Variants in RFX1 observed in about 807,000 individuals in gnomAD.
RFX1 encodes the protein MHC class II regulatory factor RFX1.
RFX1 carries 42 observed loss-of-function variants against 119.6 expected under a neutral mutation model. That is an observed-to-expected ratio of 0.35 (90% CI 0.27 to 0.45). The LOEUF (loss-of-function observed/expected upper bound fraction) is 0.45. Ranked by LOEUF, RFX1 falls within the 20% of genes least tolerant of loss-of-function variation. The pLI, the probability that RFX1 is intolerant of heterozygous loss-of-function variation, is 1.00. For missense variants in RFX1, 1,118 were observed against 1,368.1 expected, an observed-to-expected ratio of 0.82 and a Z score of 2.88; for synonymous variants, 628 against 618.5, an observed-to-expected ratio of 1.02 and a Z score of -0.23.
At position 13,970,661 on chromosome 19, in the gene RFX1, CAAAAAAAAAAAAAA is replaced by C. The variant is rs1167910642; in HGVS notation, c.1315-500_1315-487del. Among the ~76,000 whole-genome samples, 232 of 25,832 alleles carry C rather than the reference CAAAAAAAAAAAAAA, an allele frequency of 9.0e-3. 2 individuals are homozygous for C. Among genetic ancestry groups the C allele is most frequent in the African/African-American group, 0.023 (194 of 8,556 alleles). 16.9% of individuals were successfully genotyped at this position (25,832 alleles called of 152,430 possible). On this transcript the variant is annotated intron_variant, in intron 9 of 20. Coordinates refer to ENST00000254325, the MANE Select transcript of RFX1 (RefSeq NM_002918.5). ...GCCTGGATACAGTGAGACCTTGTCT[CAAAAAAAAAAAAAA>C]AAAAAAAAAAAAAAAAAAAAAATTA... is the stretch of plus-strand genomic sequence containing the variant.
At chr19:13,984,021 T>C (rs1974519544) in intron 2 of RFX1, among the ~76,000 whole-genome samples, 1 of 151,990 alleles carries the variant, frequency 6.6e-6, no homozygotes, top group African/African-American at 2.4e-5. Flanking sequence ...TGACCCTGGC[T>C]TCCCGGGAGT....
chr19:13,978,006 G>A lies in RFX1; in HGVS notation c.915C>T (p.Tyr305=). 1.2e-6 allele frequency: 2 copies of A among 1,613,128 alleles called. No homozygotes were observed. The highest frequency in any genetic ancestry group is 1.7e-6 in the Non-Finnish European group (2 of 1,179,418). ...VQYVEGGDAS[Y]TASAIRSSTY... ...CCTTCACTTACATGGCACTGGCCGTGTAGCTGGCATCGCCGCCCTCCACAT... is the reference window on the plus strand; with the variant it reads ...CCTTCACTTACATGGCACTGGCCGTATAGCTGGCATCGCCGCCCTCCACAT... The change falls in exon 8 of 21, where the codon TAC becomes TAT. Residue 305 remains tyrosine, a synonymous_variant. Transcript: ENST00000254325.
At chr19:13,994,012 T>C (rs1974903077) in intron 1 of RFX1, 117 bp from the exon 2 acceptor site, 3 of 657,330 alleles carry the variant, frequency 4.6e-6, no homozygotes, top group Non-Finnish European at 7.8e-6. Context: ...CCTGGAGATG[T>C]GCTTGGGTTC....
intron 12 of RFX1, among the ~76,000 whole-genome samples, chr19:13,967,627 C>T (rs1973946767): frequency 6.6e-6 from 1 of 151,994 alleles, no homozygotes; most frequent in Non-Finnish European, 1.5e-5. Flanking sequence ...CAGGCACCCG[C>T]CACCACACCC....
rs911570456 is a variant in RFX1 at position 13,990,493 on chromosome 19, C to T, written c.319+3032G>A. Reference sequence around the variant, plus strand: ...GCCAGGAGTTCAAGACCAGCCTGGGCAACATAGTGAGACTCTGTCTCTACA... The same window carrying T: ...GCCAGGAGTTCAAGACCAGCCTGGGTAACATAGTGAGACTCTGTCTCTACA... On this transcript the variant is annotated intron_variant, in intron 2 of 20. Transcript: ENST00000254325. This position sits in a 1 kb window ranked among gnomAD's most constrained non-coding sequence, Gnocchi z 4.1. Among the ~76,000 whole-genome samples the T allele has an allele frequency of 1.3e-5, 2 of 151,110 alleles. No homozygotes were observed. Among genetic ancestry groups the T allele is most frequent in the African/African-American group, 4.9e-5 (2 of 41,064 alleles).
In RFX1 at chr19:13,962,097, C is replaced by T. The variant is rs1259388424; in HGVS notation, c.*598G>A. On this transcript the variant is annotated 3_prime_UTR_variant, in exon 21 of 21. Transcript: ENST00000254325. The stretch of plus-strand genomic sequence containing the variant: ...CTCACAGCCGGGCCGGGCAGTGCCC[C>T]CTTCTTGAGCTTGGGGGCAAGGGAG... 3 of 152,568 alleles carry T rather than the reference C, an allele frequency of 2.0e-5. No homozygotes were observed. The highest frequency in any genetic ancestry group is 2.0e-4 in the Admixed American group (3 of 15,314). 9.5% of individuals were successfully genotyped at this position (152,568 alleles called of 1,614,324 possible).
At chr19:13,963,100 C>T in intron 19 of RFX1, 22 bp downstream of exon 19, 1 of 1,609,866 alleles carries the variant, frequency 6.2e-7, no homozygotes, top group Non-Finnish European at 8.5e-7. Context: ...CGCCCGCGCC[C>T]CCAGTGGCCC....
rs1226782911 is a variant in RFX1 at position 13,986,075 on chromosome 19, GCCCTTGCTGAGAGGGCC to G, written c.320-2497_320-2481del. ...CCAGCCCTGAGCCATAAGGGAGGAG[GCCCTTGCTGAGAGGGCC>G]CCTCCTGGGAGAAACCCGAGACAGC... is the stretch of plus-strand genomic sequence containing the variant. On this transcript the variant is annotated intron_variant, in intron 2 of 20. Coordinates refer to ENST00000254325, the MANE Select transcript of RFX1 (RefSeq NM_002918.5). The surrounding 1 kb of genome is among the most constrained non-coding windows in gnomAD (Gnocchi z 4.2). Among the ~76,000 whole-genome samples, 1 of 152,230 alleles carries G rather than the reference GCCCTTGCTGAGAGGGCC, an allele frequency of 6.6e-6. No homozygotes were observed. The highest frequency in any genetic ancestry group is 1.5e-5 in the Non-Finnish European group (1 of 68,034).
intron 1 of RFX1, among the ~76,000 whole-genome samples, chr19:14,002,859 G>GTTCTCCTCT (rs2145647110): frequency 6.6e-6 from 1 of 152,292 alleles, no homozygotes; most frequent in South Asian, 2.1e-4. Context: ...AGAGGAGAAG[G>GTTCTCCTCT]GTGAGGACCT....
rs1973883009 is a variant in RFX1, at chr19:13,965,946, C to T, written c.1962-169G>A. On this transcript the variant is annotated intron_variant, in intron 14 of 20. Coordinates refer to ENST00000254325, the MANE Select transcript of RFX1 (RefSeq NM_002918.5). The surrounding 1 kb of genome is among the most constrained non-coding windows in gnomAD (Gnocchi z 4.7). ...TACCCCCTTACCCCCACTCCAGGGTCAGTGGGGCACTCTGTGTCTTGCCTC... is the reference window on the plus strand; with the variant it reads ...TACCCCCTTACCCCCACTCCAGGGTTAGTGGGGCACTCTGTGTCTTGCCTC... 2.0e-5 allele frequency among the ~76,000 whole-genome samples: 3 copies of T among 151,876 alleles called. No homozygotes were observed. The highest frequency in any genetic ancestry group is 2.0e-4 in the Admixed American group (3 of 15,258).
chr19:13,972,851 G>GCTGCCA lies in RFX1; in HGVS notation c.1200_1205dup (p.Gly401_Ser402dup). On this transcript the variant is annotated inframe_insertion, in exon 9 of 21. Transcript: ENST00000254325. The stretch of plus-strand genomic sequence containing the variant: ...CTGCTCCGCTGCCGCCGCCTCCGGT[G>GCTGCCA]CTGCCACTGCCACCCCCGCCACCGC... 6.4e-7 allele frequency: 1 copy of GCTGCCA among 1,573,086 alleles called. No homozygotes were observed. Among genetic ancestry groups the GCTGCCA allele is most frequent in the East Asian group, 2.4e-5 (1 of 42,448 alleles).
rs758084613 is a variant in RFX1, at chr19:13,968,736, C to T, written c.1616+39G>A. The T allele has an allele frequency of 2.5e-6, 4 of 1,609,200 alleles. No individual in the cohort carries two copies. The highest frequency in any genetic ancestry group is 1.3e-5 in the African/African-American group (1 of 74,888). On this transcript the variant is annotated intron_variant, in intron 11 of 20. Coordinates refer to ENST00000254325, the MANE Select transcript of RFX1 (RefSeq NM_002918.5). The surrounding 1 kb of genome is among the most constrained non-coding windows in gnomAD (Gnocchi z 5.5). Reference sequence around the variant, plus strand: ...CTGGGGGCCGGCCTGTGTGCCCTTCCCCGCCTGCCCTGCCCTGGGTCCGGC... The same window carrying T: ...CTGGGGGCCGGCCTGTGTGCCCTTCTCCGCCTGCCCTGCCCTGGGTCCGGC...
Position 13,965,830 on chromosome 19 carries a change from C to G in RFX1, c.1962-53G>C, listed in dbSNP as rs1834412392. Reference sequence around the variant, plus strand: ...ACTGGGGTACTCTATGGTCCTGCCCCCATCGTCAGAAGGGAACAGGTAGCC... The same window carrying G: ...ACTGGGGTACTCTATGGTCCTGCCCGCATCGTCAGAAGGGAACAGGTAGCC... On this transcript the variant is annotated intron_variant, in intron 14 of 20. Transcript: ENST00000254325. The surrounding 1 kb of genome is among the most constrained non-coding windows in gnomAD (Gnocchi z 4.7). The G allele has an allele frequency of 3.8e-6, 6 of 1,592,220 alleles. No homozygotes were observed. Among genetic ancestry groups the G allele is most frequent in the Non-Finnish European group, 5.1e-6 (6 of 1,168,744 alleles).
rs747840594 is a variant in RFX1, at chr19:13,983,589, G to A, written c.326C>T (p.Ala109Val). Residue 109 changes from alanine to valine, a missense_variant, in exon 3 of 21, where the codon GCC (alanine) becomes GTC (valine). Transcript: ENST00000254325. ...QYIVVTVSEG[A>V]MRASETVSEA... Reference sequence around the variant, plus strand: ...CGACACTGTCTCGCTGGCCCGCATGGCACCTTCTGTGGGGAGGGGCCACCA... The same window carrying A: ...CGACACTGTCTCGCTGGCCCGCATGACACCTTCTGTGGGGAGGGGCCACCA... 1.9e-6 allele frequency: 3 copies of A among 1,601,014 alleles called. No homozygotes were observed. Among genetic ancestry groups the A allele is most frequent in the Non-Finnish European group, 2.6e-6 (3 of 1,175,972 alleles).
At chr19:13,997,452 C>A (rs1975074994) in intron 1 of RFX1, among the ~76,000 whole-genome samples, 1 of 152,210 alleles carries the variant, frequency 6.6e-6, no homozygotes, top group Non-Finnish European at 1.5e-5. Flanking sequence ...ATCCTGTGGG[C>A]AGTGTGTGGC....
At position 13,965,846 on chromosome 19, in the gene RFX1, A is replaced by G. The variant is rs955793728; in HGVS notation, c.1962-69T>C. The G allele has an allele frequency of 1.4e-5, 22 of 1,551,698 alleles. No individual in the cohort carries two copies. Among genetic ancestry groups the G allele is most frequent in the Non-Finnish European group, 1.9e-5 (22 of 1,139,010 alleles). On this transcript the variant is annotated intron_variant, in intron 14 of 20. Coordinates refer to ENST00000254325, the MANE Select transcript of RFX1 (RefSeq NM_002918.5). The surrounding 1 kb of genome is among the most constrained non-coding windows in gnomAD (Gnocchi z 4.7). Reference sequence around the variant, plus strand: ...GTCCTGCCCCCATCGTCAGAAGGGAACAGGTAGCCCCTGTCCCTGACCCAG... The same window carrying G: ...GTCCTGCCCCCATCGTCAGAAGGGAGCAGGTAGCCCCTGTCCCTGACCCAG...
At chr19:13,996,718 CTTTTTTTTTTTTTT>C (rs767281958) in intron 1 of RFX1, among the ~76,000 whole-genome samples, 1 of 114,406 alleles carries the variant, frequency 8.7e-6, no homozygotes, top group Non-Finnish European at 1.8e-5. Context: ...GGCTCATTTG[CTTTTTTTTTTTTTT>C]TTTTTTTTGA....
chr19:14,005,502 G>C (rs1975341355), intron 1 of RFX1, among the ~76,000 whole-genome samples: 1 of 152,212 alleles, frequency 6.6e-6, no homozygotes, highest in South Asian at 2.1e-4. Context: ...AAGGAATGAG[G>C]AGTCCCGGTA....
chr19:14,000,142 C>T (rs1319029198), intron 1 of RFX1, among the ~76,000 whole-genome samples: 1 of 152,182 alleles, frequency 6.6e-6, no homozygotes, highest in African/African-American at 2.4e-5. Context: ...GTGTTTCTCT[C>T]ATCCTCTATA....
Sources: allele counts gnomAD v4.1 joint callset (sites outside exome capture counted in the v4.1 genomes callset), GRCh38; gene constraint gnomAD v4.1.1; non-coding constraint Gnocchi (gnomAD v3.1); transcripts MANE v1.5; gene names NCBI Gene and HGNC (gene_info 2026-07-23, HGNC 2026-07-21).